The following TRAPPC9 variants were observed in gnomAD, a reference collection of about 807,000 sequenced individuals.
TRAPPC9 encodes trafficking protein particle complex subunit 9.
TRAPPC9 carries 83 observed loss-of-function variants against 124.0 expected under a neutral mutation model. The observed-to-expected ratio is 0.67, with a 90% CI of 0.56 to 0.80. The LOEUF (loss-of-function observed/expected upper bound fraction) is 0.80, where lower values mean the gene tolerates loss of function less well. Among genes scored for constraint, TRAPPC9 ranks in the 30% least tolerant of loss-of-function variants. The pLI is 0.00. For missense variants in TRAPPC9, 1,302 were observed against 1,508.3 expected (o/e 0.86, Z 2.27); for synonymous variants, 638 against 617.5 (o/e 1.03, Z -0.49).
At chr8:140,292,496 T>G (rs1310750737) in intron 11 of TRAPPC9, among the ~76,000 whole-genome samples, 1 of 152,150 alleles carries the variant, frequency 6.6e-6, no homozygotes, top group East Asian at 1.9e-4. Context: ...CTTTCAGAGC[T>G]TTCATAAGCA....
At chr8:140,443,437 A>G (rs1484136833) in intron 2 of TRAPPC9, among the ~76,000 whole-genome samples, 2 of 148,138 alleles carry the variant, frequency 1.4e-5, no homozygotes, top group African/African-American at 4.9e-5. Flanking sequence ...CTCCATCTCA[A>G]AAAAAAAAAA....
At chr8:140,136,681 T>C (rs1050892044) in intron 17 of TRAPPC9, among the ~76,000 whole-genome samples, 1 of 151,998 alleles carries the variant, frequency 6.6e-6, no homozygotes, top group African/African-American at 2.4e-5. Context: ...CTACTAAAAA[T>C]ACAAAAAGTA....
At chr8:139,945,543 C>CAAAAA (rs61528944) in intron 19 of TRAPPC9, among the ~76,000 whole-genome samples, 42 of 66,164 alleles carry the variant, frequency 6.3e-4, no homozygotes, top group South Asian at 8.4e-4. Flanking sequence ...GCACAATTAG[C>CAAAAA]AAAAAAAAAA....
intron 4 of TRAPPC9, among the ~76,000 whole-genome samples, chr8:140,431,404 C>T (rs1367252277): frequency 6.6e-6 from 1 of 151,862 alleles, no homozygotes; most frequent in Non-Finnish European, 1.5e-5. Flanking sequence ...TTGCAGTGAG[C>T]TACTGCACTC....
At chr8:140,180,703 G>C (rs766119944) in intron 17 of TRAPPC9, among the ~76,000 whole-genome samples, 1 of 144,374 alleles carries the variant, frequency 6.9e-6, no homozygotes, top group Non-Finnish European at 1.5e-5. Flanking sequence ...TTTTTACCAA[G>C]TGAAAGATCA....
At chr8:140,356,192 T>C (rs1563969878) in intron 9 of TRAPPC9, among the ~76,000 whole-genome samples, 3 of 152,050 alleles carry the variant, frequency 2.0e-5, no homozygotes. Flanking sequence ...ATGCTATTAA[T>C]AAAAAAAGAA....
intron 19 of TRAPPC9, among the ~76,000 whole-genome samples, chr8:139,918,932 G>A (rs770376678): frequency 4.6e-5 from 7 of 152,084 alleles, no homozygotes; most frequent in African/African-American, 1.4e-4. Flanking sequence ...CCATCTTAAC[G>A]GGACTGCTTG....
Position 139,733,810 on chromosome 8 carries a change from C to T in TRAPPC9, c.3056-1608G>A, listed in dbSNP as rs73726717. 9.0e-3 allele frequency among the ~76,000 whole-genome samples: 1,371 copies of T among 152,344 alleles called. 18 individuals carry two copies. Among genetic ancestry groups the T allele is most frequent in the African/African-American group, 0.031 (1,305 of 41,582 alleles). On this transcript the variant is annotated intron_variant, in intron 21 of 22. Coordinates refer to ENST00000438773, the MANE Select transcript of TRAPPC9 (RefSeq NM_001160372.4). Reference sequence around the variant, plus strand: ...AAACACCCTGACCCACAGCCCTCTGCCCTTGACCTCTGTTCTGTGGCTGCA... The same window carrying T: ...AAACACCCTGACCCACAGCCCTCTGTCCTTGACCTCTGTTCTGTGGCTGCA...
At position 140,440,499 on chromosome 8, in the gene TRAPPC9, T is replaced by A. The variant is rs560848027; in HGVS notation, c.585-1302A>T. 1.2e-3 allele frequency among the ~76,000 whole-genome samples: 183 copies of A among 149,794 alleles called. 2 individuals carry two copies. The highest frequency in any genetic ancestry group is 4.4e-3 in the African/African-American group (180 of 40,718). ...TCCAGCCTGGGGGACAGGGTGAGAC[T>A]CCCAAAAAAAAAAGAAAAGAAAAGA... On this transcript the variant is annotated intron_variant, in intron 2 of 22. Transcript: ENST00000438773.
At chr8:140,037,657 TATACACACATACCCA>T in intron 17 of TRAPPC9, among the ~76,000 whole-genome samples, 1 of 144,692 alleles carries the variant, frequency 6.9e-6, no homozygotes, top group African/African-American at 2.6e-5. Flanking sequence ...ACCATACACA[TATACACACATACCCA>T]ATACACACAC....
chr8:140,201,364 A>T (rs987022281), intron 17 of TRAPPC9, among the ~76,000 whole-genome samples: 4 of 152,236 alleles, frequency 2.6e-5, no homozygotes, highest in African/African-American at 9.6e-5. Flanking sequence ...TATATTTCCC[A>T]AACACTGTTC....
At chr8:140,059,278 G>T (rs552356981) in intron 17 of TRAPPC9, among the ~76,000 whole-genome samples, 1 of 152,138 alleles carries the variant, frequency 6.6e-6, no homozygotes, top group African/African-American at 2.4e-5. Context: ...ATTCATCCAC[G>T]TTCTTAAGTG....
intron 21 of TRAPPC9, among the ~76,000 whole-genome samples, chr8:139,824,461 G>A (rs565878519): frequency 2.0e-5 from 3 of 152,326 alleles, no homozygotes; most frequent in South Asian, 4.1e-4. Flanking sequence ...GGAAACCCAC[G>A]TCTGAGCAGG....
At chr8:140,041,005 C>T (rs935664380) in intron 17 of TRAPPC9, 1 of 152,216 alleles carries the variant, frequency 6.6e-6, no homozygotes, top group Non-Finnish European at 1.5e-5. Context: ...TTACCTTCGA[C>T]AACTACTTTG....
chr8:139,824,301 C>T (rs919924151), intron 21 of TRAPPC9, among the ~76,000 whole-genome samples: 1 of 152,160 alleles, frequency 6.6e-6, no homozygotes, highest in African/African-American at 2.4e-5. Flanking sequence ...GTCACTGTGA[C>T]GATGCCAAGC....
At chr8:140,072,553 GAGGAGGAGGAGGAGAAAGGA>G (rs747742638) in intron 17 of TRAPPC9, among the ~76,000 whole-genome samples, 58,872 of 113,564 alleles carry the variant, frequency 0.52, 12,465 homozygotes, top group Middle Eastern at 0.63. Context: ...GGAGGAAGAG[GAGGAGGAGGAGGAGAAAGGA>G]AGGAGGAGGA....
chr8:139,804,237 CCACCACCACCACCAAA>C (rs1230685754), intron 21 of TRAPPC9, among the ~76,000 whole-genome samples: 1 of 137,680 alleles, frequency 7.3e-6, no homozygotes, highest in African/African-American at 2.7e-5. Flanking sequence ...TCACCACCAC[CCACCACCACCACCAAA>C]CACCACCACC....
At chr8:140,284,655 T>C (rs968991817) in intron 13 of TRAPPC9, among the ~76,000 whole-genome samples, 1 of 152,202 alleles carries the variant, frequency 6.6e-6, no homozygotes, top group Non-Finnish European at 1.5e-5. Flanking sequence ...ATAAACAACA[T>C]TCACTCTGTA....
intron 19 of TRAPPC9, among the ~76,000 whole-genome samples, chr8:139,921,836 C>A (rs899412908): frequency 2.6e-5 from 4 of 151,512 alleles, no homozygotes; most frequent in African/African-American, 9.7e-5. Flanking sequence ...CATCCGAGAG[C>A]GCACACATCT....
Sources: gnomAD v4.1 joint callset for allele counts (sites outside exome capture counted in the v4.1 genomes callset) on GRCh38, gnomAD v4.1.1 for gene constraint, MANE v1.5 for transcripts, NCBI Gene and HGNC (gene_info 2026-07-23, HGNC 2026-07-21) for gene names.